Variants in TLK1 observed in about 807,000 individuals in gnomAD.
The protein encoded by TLK1 is serine/threonine-protein kinase tousled-like 1.
Under a neutral mutation model 105.3 loss-of-function variants are expected in TLK1, and 24 were observed. The ratio of observed to expected loss-of-function variants is 0.23; its 90% CI spans 0.17 to 0.32. The LOEUF is 0.32. Ranked by LOEUF, TLK1 falls within the 10% of genes least tolerant of loss-of-function variation. TLK1 has a pLI of 1.00. For synonymous variants in TLK1, 321 were observed against 310.4 expected, an observed-to-expected ratio of 1.03 and a Z score of -0.36; for missense variants, 558 against 910.5, an observed-to-expected ratio of 0.61 and a Z score of 4.98.
Position 171,156,594 on chromosome 2 carries a change from G to A in TLK1, c.139+3696C>T, listed in dbSNP as rs1026740141. 7.2e-5 allele frequency among the ~76,000 whole-genome samples: 11 copies of A among 152,132 alleles called. No homozygotes were observed. The South Asian group carries it at 8.3e-4, about 11-fold the overall frequency. ...TCTCTCTCCTCTAATATGTAAATGT[G>A]CCATTGTAAAGGAGACATCTGTCAC... On this transcript the variant is annotated intron_variant, in intron 1 of 20. Transcript: ENST00000431350.
At chr2:171,022,721 C>A (rs553096667) in intron 12 of TLK1, among the ~76,000 whole-genome samples, 1 of 152,276 alleles carries the variant, frequency 6.6e-6, no homozygotes, top group East Asian at 1.9e-4. Context: ...TTCATATTTT[C>A]ATTCAAACCT....
chr2:171,172,222 C>A (rs1316594826), intron 1 of TLK1, among the ~76,000 whole-genome samples: 2 of 152,100 alleles, frequency 1.3e-5, no homozygotes, highest in Non-Finnish European at 2.9e-5. Context: ...GCAAATCATT[C>A]TATGGGTTAA....
chr2:171,013,099 G>T (rs1363886181), intron 13 of TLK1, among the ~76,000 whole-genome samples: 1 of 150,792 alleles, frequency 6.6e-6, no homozygotes, highest in Admixed American at 6.6e-5. Flanking sequence ...CGCAACCTCC[G>T]CCTCCCGGGT....
chr2:171,006,895 A>G lies in TLK1; in HGVS notation c.1509-6T>C, dbSNP rs746725375. The G allele has an allele frequency of 1.3e-5, 21 of 1,611,288 alleles. 1 individual carries two copies. In the South Asian group the frequency reaches 2.3e-4, roughly 18 times the overall value. ...TATACTCTCTGCAGGCATGTCTATGAGAAGACAGTGTATTAATTCTCCATG... is the reference window on the plus strand; with the variant it reads ...TATACTCTCTGCAGGCATGTCTATGGGAAGACAGTGTATTAATTCTCCATG... On this transcript the variant is annotated splice_region_variant and splice_polypyrimidine_tract_variant and intron_variant, in intron 15 of 20. Coordinates refer to ENST00000431350, the MANE Select transcript of TLK1 (RefSeq NM_012290.5).
intron 4 of TLK1, among the ~76,000 whole-genome samples, chr2:171,058,508 A>C (rs1207006268): frequency 1.3e-5 from 2 of 152,164 alleles, no homozygotes; most frequent in Non-Finnish European, 1.5e-5. Flanking sequence ...AATAATAATA[A>C]AACAGCTTTA....
intron 1 of TLK1, among the ~76,000 whole-genome samples, chr2:171,152,193 A>G (rs896871070): frequency 6.6e-6 from 1 of 152,264 alleles, no homozygotes; most frequent in Non-Finnish European, 1.5e-5. Flanking sequence ...AGTATAACCA[A>G]TTCTTAACAA....
chr2:171,100,051 G>T (rs1689622804), intron 2 of TLK1, among the ~76,000 whole-genome samples: 1 of 152,086 alleles, frequency 6.6e-6, no homozygotes, highest in South Asian at 2.1e-4. Flanking sequence ...GAATTCTTAT[G>T]ACTCAAGATT....
chr2:171,171,846 T>C (rs948021547), intron 1 of TLK1, among the ~76,000 whole-genome samples: 2 of 152,214 alleles, frequency 1.3e-5, no homozygotes, highest in Non-Finnish European at 2.9e-5. Context: ...TGGAAGTGGA[T>C]ATTGGTACCT....
At chr2:171,151,275 T>G (rs983086936) in intron 1 of TLK1, among the ~76,000 whole-genome samples, 1 of 151,932 alleles carries the variant, frequency 6.6e-6, no homozygotes, top group African/African-American at 2.4e-5. Context: ...CACCTCAGCC[T>G]CCCTAAATGC....
intron 1 of TLK1, among the ~76,000 whole-genome samples, chr2:171,178,434 G>A (rs1451122974): frequency 2.0e-5 from 3 of 152,264 alleles, no homozygotes; most frequent in South Asian, 4.1e-4. Flanking sequence ...AGGAGCTTAA[G>A]GGAAGCTCTT....
chr2:171,029,212 G>A (rs1685920359), intron 11 of TLK1, among the ~76,000 whole-genome samples: 1 of 152,190 alleles, frequency 6.6e-6, no homozygotes, highest in African/African-American at 2.4e-5. Context: ...TCACTGCAAA[G>A]GGAGTCAGTC....
chr2:171,173,911 C>A (rs1164746186), intron 1 of TLK1, among the ~76,000 whole-genome samples: 1 of 152,000 alleles, frequency 6.6e-6, no homozygotes, highest in African/African-American at 2.4e-5. Flanking sequence ...TTCTTGTCAC[C>A]CCCAGCTCCC....
chr2:171,131,747 C>CA (rs1351239937), intron 1 of TLK1, among the ~76,000 whole-genome samples: 1 of 151,456 alleles, frequency 6.6e-6, no homozygotes, highest in Non-Finnish European at 1.5e-5. Context: ...AAATTAAAGC[C>CA]AAAAAAATCC....
intron 2 of TLK1, among the ~76,000 whole-genome samples, chr2:171,101,610 A>G (rs1192321727): frequency 6.6e-6 from 1 of 152,248 alleles, no homozygotes; most frequent in Non-Finnish European, 1.5e-5. Flanking sequence ...AATATGTTAA[A>G]TGAGTCATTT....
intron 1 of TLK1, among the ~76,000 whole-genome samples, chr2:171,225,161 T>G (rs1420171892): frequency 6.6e-6 from 1 of 151,794 alleles, no homozygotes; most frequent in Non-Finnish European, 1.5e-5. Context: ...TTAAAAACTT[T>G]TCTGCTTCAA....
chr2:171,185,735 T>A (rs1693014232), intron 1 of TLK1, among the ~76,000 whole-genome samples: 1 of 152,254 alleles, frequency 6.6e-6, no homozygotes, highest in Admixed American at 6.5e-5. Context: ...CCTTCTAGCA[T>A]ACGCTTTTAC....
intron 2 of TLK1, among the ~76,000 whole-genome samples, chr2:171,085,844 TATA>T (rs1358742022): frequency 6.6e-6 from 1 of 152,208 alleles, no homozygotes; most frequent in Non-Finnish European, 1.5e-5. Context: ...AGGGAGAGGA[TATA>T]ATATTTAATG....
intron 1 of TLK1, among the ~76,000 whole-genome samples, chr2:171,135,767 A>T (rs539499089): frequency 1.9e-4 from 29 of 152,150 alleles, no homozygotes; most frequent in Non-Finnish European, 3.5e-4. Flanking sequence ...GCACCACTGC[A>T]CTCCAACGTG....
chr2:171,140,142 A>G (rs1691512485), intron 1 of TLK1, among the ~76,000 whole-genome samples: 1 of 152,180 alleles, frequency 6.6e-6, no homozygotes, highest in Admixed American at 6.5e-5. Flanking sequence ...AAGGAAGATA[A>G]AGAGAGTGAG....
Sources: allele counts gnomAD v4.1 joint callset (sites outside exome capture counted in the v4.1 genomes callset), GRCh38; gene constraint gnomAD v4.1.1; transcripts MANE v1.5; gene names NCBI Gene and HGNC (gene_info 2026-07-23, HGNC 2026-07-21).